The following CNTNAP2 variants were observed in gnomAD, a reference collection of about 807,000 sequenced individuals.
CNTNAP2 encodes the protein contactin associated protein 2.
A neutral mutation model predicts 155.2 loss-of-function variants in CNTNAP2; 98 were observed. The observed-to-expected ratio is 0.63, with a 90% CI of 0.54 to 0.75. The LOEUF (loss-of-function observed/expected upper bound fraction) is 0.75, where lower values mean the gene tolerates loss of function less well. Among genes scored for constraint, CNTNAP2 ranks in the 30% least tolerant of loss-of-function variants. The probability of loss-of-function intolerance (pLI) is 0.00; values close to 1 mark genes in which losing one functional copy is unlikely to be tolerated. For synonymous variants in CNTNAP2, 651 were observed against 631.2 expected (o/e 1.03, Z -0.47); for missense variants, 1,727 against 1,688.1 (o/e 1.02, Z -0.40).
intron 12 of CNTNAP2, among the ~76,000 whole-genome samples, chr7:147,585,503 TTAA>T (rs1800601321): frequency 6.7e-6 from 1 of 150,008 alleles, no homozygotes; most frequent in Admixed American, 6.7e-5. Flanking sequence ...TATAGATCTA[TTAA>T]TATATAGATA....
intron 13 of CNTNAP2, among the ~76,000 whole-genome samples, chr7:147,897,693 C>A (rs139412269): frequency 2.4e-4 from 36 of 152,250 alleles, no homozygotes; most frequent in African/African-American, 8.4e-4. Context: ...TCAGCCAAGA[C>A]CTAGTGTAGC....
At chr7:146,219,185 A>G (rs1479739406) in intron 1 of CNTNAP2, among the ~76,000 whole-genome samples, 1 of 152,150 alleles carries the variant, frequency 6.6e-6, no homozygotes, top group Non-Finnish European at 1.5e-5. Flanking sequence ...CAGCATGATC[A>G]TAAATCACCT....
At chr7:148,109,372 T>TGTTTTGTTTG (rs1804293457) in intron 15 of CNTNAP2, among the ~76,000 whole-genome samples, 1 of 144,274 alleles carries the variant, frequency 6.9e-6, no homozygotes, top group South Asian at 2.3e-4. Context: ...TGTTTTGTTT[T>TGTTTTGTTTG]GTTTTGTTTT....
At chr7:148,204,867 AG>A (rs559167143) in intron 18 of CNTNAP2, among the ~76,000 whole-genome samples, 65 of 152,324 alleles carry the variant, frequency 4.3e-4, no homozygotes, top group African/African-American at 1.5e-3. Flanking sequence ...GGTGTCCTTG[AG>A]TAAACTACTC....
intron 13 of CNTNAP2, among the ~76,000 whole-genome samples, chr7:147,765,443 G>T (rs556234264): frequency 6.6e-6 from 1 of 152,222 alleles, no homozygotes; most frequent in South Asian, 2.1e-4. Context: ...TCTACTATGA[G>T]AAATTTAAAG....
At chr7:146,990,627 A>G (rs1485619291) in intron 3 of CNTNAP2, among the ~76,000 whole-genome samples, 1 of 151,988 alleles carries the variant, frequency 6.6e-6, no homozygotes, top group Non-Finnish European at 1.5e-5. Context: ...TCATAATTAA[A>G]CATTTCTTAC....
At chr7:147,710,469 G>C (rs759662939) in intron 13 of CNTNAP2, among the ~76,000 whole-genome samples, 150 of 151,910 alleles carry the variant, frequency 9.9e-4, no homozygotes, top group Non-Finnish European at 1.5e-3. Context: ...TTTGCCTTCT[G>C]CTTAAAGACA....
chr7:146,174,668 T>A (rs1798444397), intron 1 of CNTNAP2, among the ~76,000 whole-genome samples: 1 of 151,884 alleles, frequency 6.6e-6, no homozygotes, highest in Non-Finnish European at 1.5e-5. Context: ...CGAAACCCCA[T>A]CCATCTCTAC....
intron 2 of CNTNAP2, among the ~76,000 whole-genome samples, chr7:146,790,726 C>T (rs541083058): frequency 1.4e-3 from 214 of 152,222 alleles, no homozygotes; most frequent in African/African-American, 4.8e-3. Flanking sequence ...CCCGCCACCA[C>T]GCCTGGCTAA....
At chr7:148,355,739 G>A (rs942006483) in intron 21 of CNTNAP2, among the ~76,000 whole-genome samples, 1 of 152,200 alleles carries the variant, frequency 6.6e-6, no homozygotes, top group Non-Finnish European at 1.5e-5. Flanking sequence ...ATCACCTTTT[G>A]TGAGAAAAAT....
chr7:147,463,495 T>C (rs1255866210), intron 10 of CNTNAP2, among the ~76,000 whole-genome samples: 1 of 152,158 alleles, frequency 6.6e-6, no homozygotes, highest in African/African-American at 2.4e-5. Context: ...AGAATCTAAT[T>C]GGAGAGAGAG....
intron 11 of CNTNAP2, among the ~76,000 whole-genome samples, chr7:147,495,461 A>G (rs1798688062): frequency 6.6e-6 from 1 of 152,166 alleles, no homozygotes; most frequent in Admixed American, 6.5e-5. Flanking sequence ...CTAGCACACC[A>G]CTGCCCTGTT....
At chr7:146,647,446 A>G (rs1449718498) in intron 1 of CNTNAP2, among the ~76,000 whole-genome samples, 1 of 152,188 alleles carries the variant, frequency 6.6e-6, no homozygotes, top group African/African-American at 2.4e-5. Flanking sequence ...CAAATAACTG[A>G]AAACATAATA....
intron 4 of CNTNAP2, among the ~76,000 whole-genome samples, chr7:147,050,212 T>C (rs186257654): frequency 6.6e-6 from 1 of 152,290 alleles, no homozygotes; most frequent in African/African-American, 2.4e-5. Context: ...GCGATACCAG[T>C]GGGACTTCAT....
intron 14 of CNTNAP2, among the ~76,000 whole-genome samples, chr7:147,932,716 C>T (rs930294956): frequency 2.6e-5 from 4 of 152,096 alleles, no homozygotes; most frequent in Admixed American, 2.6e-4. Context: ...AAGAGGTATA[C>T]TATGTCAAAC....
In CNTNAP2 at chr7:148,253,314, T is replaced by C. The variant is rs141621907; in HGVS notation, c.3382-13719T>C. Among the ~76,000 whole-genome samples the C allele has an allele frequency of 8.1e-4, 123 of 152,174 alleles. 2 individuals are homozygous for C. The East Asian group carries it at 0.015, about 19-fold the overall frequency. On this transcript the variant is annotated intron_variant, in intron 20 of 23. Transcript: ENST00000361727. The stretch of plus-strand genomic sequence containing the variant: ...CCTCAACACCCTTAGAGAAATTTGG[T>C]TTATTATTCCTCCTTCAAAACGCCT...
In CNTNAP2 at chr7:146,916,151, C is replaced by G. The variant is rs929695649; in HGVS notation, c.402+76247C>G. On this transcript the variant is annotated intron_variant, in intron 3 of 23. Transcript: ENST00000361727. The stretch of plus-strand genomic sequence containing the variant: ...ACTTGTTGATGTTAAACCATCCCTG[C>G]ATCCTTGTTATGAGACCCACTTGAT... 2.0e-5 allele frequency among the ~76,000 whole-genome samples: 3 copies of G among 152,138 alleles called. No individual in the cohort carries two copies. The East Asian group carries it at 5.8e-4, about 29-fold the overall frequency.
intron 8 of CNTNAP2, among the ~76,000 whole-genome samples, chr7:147,193,776 G>T (rs1161527196): frequency 2.0e-5 from 3 of 151,994 alleles, no homozygotes; most frequent in African/African-American, 7.3e-5. Context: ...AATAGGCAGA[G>T]GTAAGATTAC....
chr7:147,724,872 T>A (rs1459172816), intron 13 of CNTNAP2, among the ~76,000 whole-genome samples: 1 of 151,930 alleles, frequency 6.6e-6, no homozygotes, highest in Non-Finnish European at 1.5e-5. Flanking sequence ...AAAGGTTAAA[T>A]GTCAGAAGCA....
Sources: gnomAD v4.1 joint callset for allele counts (sites outside exome capture counted in the v4.1 genomes callset) on GRCh38, gnomAD v4.1.1 for gene constraint, MANE v1.5 for transcripts, NCBI Gene and HGNC (gene_info 2026-07-23, HGNC 2026-07-21) for gene names.